Variants in ZNF469 observed in about 807,000 individuals in gnomAD.
ZNF469 encodes zinc finger protein 469.
In ZNF469, 1 loss-of-function variant was observed where a neutral mutation model predicts 1.0. That is an observed-to-expected ratio of 1.00 (90% CI 0.35 to 4.73). The LOEUF (loss-of-function observed/expected upper bound fraction) is 4.73. Ranked by LOEUF, ZNF469 falls within the 30% of genes most tolerant of loss-of-function variation. ZNF469 has a pLI of 0.16. For missense variants in ZNF469, 6,100 were observed against 5,356.3 expected (o/e 1.14, Z -4.33); for synonymous variants, 2,703 against 2,363.4 (o/e 1.14, Z -4.17).
At chr16:88,253,103 C>T in the ZNF469 span, among the ~76,000 whole-genome samples, 1 of 152,144 alleles carries the variant, frequency 6.6e-6, no homozygotes, top group Non-Finnish European at 1.5e-5. Flanking sequence ...AGGTCACTTA[C>T]TTGTTAACAT....
chr16:88,210,865 A>G, the ZNF469 span, among the ~76,000 whole-genome samples: 1 of 151,320 alleles, frequency 6.6e-6, no homozygotes, highest in Non-Finnish European at 1.5e-5. Context: ...CTCCTCCTCC[A>G]CCCCCCACCA....
the ZNF469 span, among the ~76,000 whole-genome samples, chr16:88,203,472 C>G: frequency 6.7e-6 from 1 of 149,164 alleles, no homozygotes; most frequent in Non-Finnish European, 1.5e-5. Flanking sequence ...GCTGCGGCAT[C>G]AAAACACCAC....
chr16:88,165,768 C>T, the ZNF469 span, among the ~76,000 whole-genome samples: 2 of 152,318 alleles, frequency 1.3e-5, no homozygotes, highest in African/African-American at 4.8e-5. Context: ...CCCCACTACA[C>T]CCCGACTCCC....
chr16:88,291,713 C>T, the ZNF469 span, among the ~76,000 whole-genome samples: 2 of 152,050 alleles, frequency 1.3e-5, no homozygotes, highest in African/African-American at 4.8e-5. Flanking sequence ...CTCATGGCTG[C>T]TGGTGGTCTC....
At chr16:88,156,795 C>G in the ZNF469 span, among the ~76,000 whole-genome samples, 3 of 151,974 alleles carry the variant, frequency 2.0e-5, no homozygotes, top group African/African-American at 7.3e-5. Flanking sequence ...CATGACCCAG[C>G]TGACTGTGCA....
chr16:88,213,384 C>G, the ZNF469 span, among the ~76,000 whole-genome samples: 1 of 152,216 alleles, frequency 6.6e-6, no homozygotes, highest in African/African-American at 2.4e-5. Context: ...CAGGCATGAG[C>G]CACCGCGCCC....
At chr16:88,110,747 C>T in the ZNF469 span, among the ~76,000 whole-genome samples, 1 of 152,246 alleles carries the variant, frequency 6.6e-6, no homozygotes, top group Non-Finnish European at 1.5e-5. Flanking sequence ...AGAAAAATGG[C>T]CTCCAACCCA....
chr16:88,393,085 A>G (rs918834482), intron 1 of ZNF469, among the ~76,000 whole-genome samples: 1 of 152,278 alleles, frequency 6.6e-6, no homozygotes, highest in African/African-American at 2.4e-5. Context: ...ATCTGGCCGC[A>G]GGGCCTGGCA....
chr16:88,116,241 G>T, the ZNF469 span, among the ~76,000 whole-genome samples: 1 of 152,214 alleles, frequency 6.6e-6, no homozygotes. Context: ...GCCAGCAGCT[G>T]TCGGGAAACG....
chr16:88,233,668 C>T, the ZNF469 span, among the ~76,000 whole-genome samples: 1 of 152,236 alleles, frequency 6.6e-6, no homozygotes, highest in Non-Finnish European at 1.5e-5. Context: ...CATGACTCTC[C>T]CACTCTCCCA....
intron 2 of ZNF469, among the ~76,000 whole-genome samples, chr16:88,426,026 G>A (rs1567507972): frequency 6.6e-6 from 1 of 152,230 alleles, no homozygotes; most frequent in Non-Finnish European, 1.5e-5. Context: ...GGGGACAGAG[G>A]GCCTGCCAGC....
intron 1 of ZNF469, among the ~76,000 whole-genome samples, chr16:88,389,262 C>G (rs555908318): frequency 1.3e-5 from 2 of 152,258 alleles, no homozygotes; most frequent in Non-Finnish European, 2.9e-5. Flanking sequence ...TCCTACATCC[C>G]GCTCGTTTGT....
chr16:88,381,954 G>T (rs2092526335), upstream of ZNF469, among the ~76,000 whole-genome samples: 1 of 152,272 alleles, frequency 6.6e-6, no homozygotes, highest in South Asian at 2.1e-4. Flanking sequence ...TCCTTAAAAG[G>T]GTGTGCAACT....
the ZNF469 span, among the ~76,000 whole-genome samples, chr16:88,193,186 GTGGTGGTGGTGA>G: frequency 2.1e-4 from 6 of 28,258 alleles, no homozygotes; most frequent in African/African-American, 4.1e-4. Context: ...GGTGGTGATG[GTGGTGGTGGTGA>G]TGGTGGTGGG....
In ZNF469 at chr16:88,424,442, G is replaced by A. The variant is rs2142293650; in HGVS notation, c.-191-365G>A. Among the ~76,000 whole-genome samples, 1 of 152,300 alleles carries A rather than the reference G, an allele frequency of 6.6e-6. No individual in the cohort carries two copies. Among genetic ancestry groups the A allele is most frequent in the Middle Eastern group, 3.4e-3 (1 of 294 alleles). ...GCGGGACTGGGGAGGGATCCTGGCA[G>A]GGATGGGAGGGGCAGCGTTCTCACT... On this transcript the variant is annotated intron_variant, in intron 1 of 2. Coordinates refer to ENST00000565624, the MANE Select transcript of ZNF469 (RefSeq NM_001367624.2). This position sits in a 1 kb window ranked among gnomAD's most constrained non-coding sequence, Gnocchi z 4.3.
the ZNF469 span, among the ~76,000 whole-genome samples, chr16:88,191,928 A>T: frequency 1.3e-5 from 2 of 152,176 alleles, no homozygotes; most frequent in Admixed American, 1.3e-4. Flanking sequence ...TGTATATTGA[A>T]GTCCTAACAC....
At chr16:88,413,341 C>T (rs1905224778) in intron 1 of ZNF469, among the ~76,000 whole-genome samples, 1 of 152,194 alleles carries the variant, frequency 6.6e-6, no homozygotes, top group Non-Finnish European at 1.5e-5. Flanking sequence ...TTCCCTTCAC[C>T]CTCAAAACAC....
chr16:88,259,024 A>G, the ZNF469 span, among the ~76,000 whole-genome samples: 1 of 152,236 alleles, frequency 6.6e-6, no homozygotes, highest in Non-Finnish European at 1.5e-5. The surrounding 1 kb of genome is among the most constrained non-coding windows in gnomAD (Gnocchi z 4.1). Flanking sequence ...GGGGTGACTG[A>G]GCACGCCATT....
the ZNF469 span, among the ~76,000 whole-genome samples, chr16:88,203,058 C>T: frequency 1.1e-4 from 16 of 151,752 alleles, no homozygotes; most frequent in Non-Finnish European, 2.2e-4. Context: ...GGGCGGGGGC[C>T]GTGAGTCAGG....
Sources: gnomAD v4.1 joint callset for allele counts (sites outside exome capture counted in the v4.1 genomes callset) on GRCh38, gnomAD v4.1.1 for gene constraint, Gnocchi (gnomAD v3.1) non-coding constraint, MANE v1.5 for transcripts, NCBI Gene and HGNC (gene_info 2026-07-23, HGNC 2026-07-21) for gene names.